SHOC2: variants seen among roughly 807,000 people sequenced by gnomAD.
The protein encoded by SHOC2 is SHOC2 leucine rich repeat scaffold protein.
SHOC2 carries 4 observed loss-of-function variants against 50.2 expected under a neutral mutation model. The ratio of observed to expected loss-of-function variants is 0.08; its 90% CI spans 0.04 to 0.18. SHOC2 has a LOEUF of 0.18. Among genes scored for constraint, SHOC2 ranks in the 10% least tolerant of loss-of-function variants. SHOC2 has a pLI of 1.00. For missense variants in SHOC2, 388 were observed against 669.6 expected, an observed-to-expected ratio of 0.58 and a Z score of 4.64; for synonymous variants, 218 against 244.5, an observed-to-expected ratio of 0.89 and a Z score of 1.01.
intron 2 of SHOC2, among the ~76,000 whole-genome samples, chr10:110,967,635 C>G (rs562025081): frequency 6.6e-6 from 1 of 152,170 alleles, no homozygotes; most frequent in Non-Finnish European, 1.5e-5. Flanking sequence ...TTTCTCCTAA[C>G]TCATTAACCC....
intron 3 of SHOC2, among the ~76,000 whole-genome samples, chr10:110,994,062 G>A (rs897402612): frequency 1.3e-5 from 2 of 152,016 alleles, no homozygotes; most frequent in African/African-American, 4.8e-5. Flanking sequence ...TCTTCCATAG[G>A]GAAAGCAGTG....
chr10:111,011,042 A>G (rs1848557230), intron 8 of SHOC2, among the ~76,000 whole-genome samples: 1 of 152,248 alleles, frequency 6.6e-6, no homozygotes, highest in South Asian at 2.1e-4. Context: ...CCTAGAGAAT[A>G]CAAGTATCCT....
At position 111,009,803 on chromosome 10, in the gene SHOC2, C is replaced by G. The variant is rs1310955241; in HGVS notation, c.1513C>G (p.Leu505Val). ...CACACATCTGGGCCTTGGAGAGAAC[C>G]TACTTACTCACCTTCCTGAAGAAAT... ...NLTHLGLGEN[L>V]LTHLPEEIGT... The change falls in exon 8 of 9, where the codon CTA becomes GTA. Residue 505 changes from leucine (L) to valine (V), a missense_variant. By Grantham distance (32) the Leu-to-Val change is conservative (BLOSUM62 1). Coordinates refer to ENST00000369452, the MANE Select transcript of SHOC2 (RefSeq NM_007373.4). 6.2e-7 allele frequency: 1 copy of G among 1,607,400 alleles called. No homozygotes were observed. Among genetic ancestry groups the G allele is most frequent in the Non-Finnish European group, 8.5e-7 (1 of 1,174,014 alleles).
At chr10:111,009,116 A>G (rs1564731184) in intron 6 of SHOC2, 132 bp from the exon 7 acceptor site, 2 of 527,202 alleles carry the variant, frequency 3.8e-6, no homozygotes, top group African/African-American at 2.0e-5. Context: ...TTTATATGTT[A>G]TATAATTGAA....
chr10:111,005,324 G>A (rs1213250070), intron 5 of SHOC2, among the ~76,000 whole-genome samples: 1 of 152,020 alleles, frequency 6.6e-6, no homozygotes, highest in Non-Finnish European at 1.5e-5. Context: ...ATAGTTGTAG[G>A]GATATGTATT....
chr10:110,920,076 C>T (rs1436474650), intron 1 of SHOC2: 2 of 150,944 alleles, frequency 1.3e-5, no homozygotes, highest in Non-Finnish European at 3.0e-5. Flanking sequence ...GGCCCCCGGG[C>T]CCAGTCCGCA....
chr10:110,947,787 A>T (rs1847275857), intron 1 of SHOC2, among the ~76,000 whole-genome samples: 1 of 151,926 alleles, frequency 6.6e-6, no homozygotes, highest in South Asian at 2.1e-4. Flanking sequence ...AAAAAATCAA[A>T]TCGCAAAGGA....
chr10:110,936,057 G>C (rs1055187818), intron 1 of SHOC2, among the ~76,000 whole-genome samples: 7 of 151,562 alleles, frequency 4.6e-5, no homozygotes, highest in Non-Finnish European at 1.0e-4. Flanking sequence ...TTTTATGCTG[G>C]GGGTAAATTC....
At chr10:110,967,433 CA>C (rs1315859976) in intron 2 of SHOC2, among the ~76,000 whole-genome samples, 3 of 152,118 alleles carry the variant, frequency 2.0e-5, no homozygotes, top group Non-Finnish European at 4.4e-5. Context: ...AGCCATTGCA[CA>C]AGATTGCGGG....
At position 110,964,679 on chromosome 10, in the gene SHOC2, A is replaced by C; in HGVS notation, c.321A>C (p.Leu107Phe). The C allele has an allele frequency of 5.0e-6, 8 of 1,614,176 alleles. No homozygotes were observed. The highest frequency in any genetic ancestry group is 6.8e-6 in the Non-Finnish European group (8 of 1,180,002). The change falls in exon 2 of 9, where the codon TTA (leucine) becomes TTC (phenylalanine). Residue 107 changes from leucine (L) to phenylalanine (F), a missense_variant. Leu to Phe is a conservative substitution (Grantham distance 22). Coordinates refer to ENST00000369452, the MANE Select transcript of SHOC2 (RefSeq NM_007373.4). This position sits in a 1 kb window ranked among gnomAD's most constrained non-coding sequence, Gnocchi z 4.9. ...AAGAGAATTCAATGCGTTTGGACTT[A>C]TCCAAGAGATCTATACACATATTGC... ...CREENSMRLD[L>F]SKRSIHILPS...
intron 1 of SHOC2, among the ~76,000 whole-genome samples, chr10:110,921,379 A>T (rs1846647243): frequency 6.6e-6 from 1 of 152,198 alleles, no homozygotes; most frequent in Non-Finnish European, 1.5e-5. Context: ...ACAAAAATAA[A>T]CACAAAACTG....
intron 1 of SHOC2, among the ~76,000 whole-genome samples, chr10:110,930,137 A>C (rs1030654628): frequency 6.6e-6 from 1 of 152,204 alleles, no homozygotes; most frequent in Admixed American, 6.5e-5. Context: ...CCAAATTATA[A>C]AAGTTCTATT....
chr10:110,987,600 G>T (rs1848103770), intron 3 of SHOC2, among the ~76,000 whole-genome samples: 1 of 152,052 alleles, frequency 6.6e-6, no homozygotes, highest in South Asian at 2.1e-4. Context: ...TCTACTAAAT[G>T]TCCTGTATAA....
chr10:110,968,763 C>T (rs971240456), intron 2 of SHOC2, among the ~76,000 whole-genome samples: 10 of 151,930 alleles, frequency 6.6e-5, no homozygotes, highest in African/African-American at 1.7e-4. Flanking sequence ...ATTGCGCCAC[C>T]GGACTTCAGC....
chr10:110,972,512 A>G (rs1017912917), intron 2 of SHOC2, among the ~76,000 whole-genome samples: 6 of 152,226 alleles, frequency 3.9e-5, no homozygotes, highest in Non-Finnish European at 7.3e-5. Context: ...TATTACTGTT[A>G]GGAAATTGTG....
chr10:110,930,300 C>G (rs188536947), intron 1 of SHOC2, among the ~76,000 whole-genome samples: 3 of 152,024 alleles, frequency 2.0e-5, no homozygotes, highest in African/African-American at 7.2e-5. Flanking sequence ...TATAAGATAC[C>G]TTGAGACCAC....
chr10:110,943,031 C>G (rs184813529), intron 1 of SHOC2, among the ~76,000 whole-genome samples: 1 of 152,246 alleles, frequency 6.6e-6, no homozygotes, highest in African/African-American at 2.4e-5. Flanking sequence ...TTCTGTCTGT[C>G]AGCAGTTTGA....
intron 1 of SHOC2, among the ~76,000 whole-genome samples, chr10:110,952,199 T>C (rs1304357620): frequency 1.3e-5 from 2 of 152,202 alleles, no homozygotes. Flanking sequence ...TTTTAAAATA[T>C]AGTCTTCACT....
chr10:110,955,538 G>A (rs763054000), intron 1 of SHOC2, among the ~76,000 whole-genome samples: 15 of 152,132 alleles, frequency 9.9e-5, no homozygotes, highest in Non-Finnish European at 1.8e-4. Context: ...ATTTATTGAG[G>A]TCTCTGTATG....
Sources: allele counts gnomAD v4.1 joint callset (sites outside exome capture counted in the v4.1 genomes callset), GRCh38; gene constraint gnomAD v4.1.1; non-coding constraint Gnocchi (gnomAD v3.1); transcripts MANE v1.5; gene names NCBI Gene and HGNC (gene_info 2026-07-23, HGNC 2026-07-21).